The following GBE1 variants were observed in gnomAD, a reference collection of about 807,000 sequenced individuals.
The protein encoded by GBE1 is 1,4-alpha-glucan branching enzyme 1.
In GBE1, 70 loss-of-function variants were observed where a neutral mutation model predicts 88.8. The ratio of observed to expected loss-of-function variants is 0.79; its 90% CI spans 0.65 to 0.96. The LOEUF is 0.96. Ranked by LOEUF, GBE1 falls within the 40% of genes least tolerant of loss-of-function variation. GBE1 has a pLI of 0.00. For missense variants in GBE1, 872 were observed against 871.0 expected, an observed-to-expected ratio of 1.00 and a Z score of -0.01; for synonymous variants, 284 against 300.1, an observed-to-expected ratio of 0.95 and a Z score of 0.56.
intron 1 of GBE1, among the ~76,000 whole-genome samples, chr3:81,730,275 G>A (rs1156259715): frequency 2.6e-5 from 4 of 152,140 alleles, no homozygotes; most frequent in East Asian, 1.9e-4. Flanking sequence ...ACAGCTTGAC[G>A]GGTTGAGGTT....
intron 12 of GBE1, among the ~76,000 whole-genome samples, chr3:81,572,076 G>A (rs1444068594): frequency 6.6e-6 from 1 of 152,100 alleles, no homozygotes; most frequent in Non-Finnish European, 1.5e-5. Context: ...TGCTGTTCTT[G>A]TGATAGTGAG....
In GBE1 at chr3:81,747,790, C is replaced by G. The variant is rs1014013555; in HGVS notation, c.143+13585G>C. On this transcript the variant is annotated intron_variant, in intron 1 of 15. Coordinates refer to ENST00000429644, the MANE Select transcript of GBE1 (RefSeq NM_000158.4). Reference sequence around the variant, plus strand: ...CCCACTGAGCACCTTGTGACCCCCGCCCCTGCCCACCAGAGAACAACCCCC... The same window carrying G: ...CCCACTGAGCACCTTGTGACCCCCGGCCCTGCCCACCAGAGAACAACCCCC... Among the ~76,000 whole-genome samples the G allele has an allele frequency of 6.6e-5, 10 of 152,162 alleles. 1 individual carries two copies. Among genetic ancestry groups the G allele is most frequent in the Admixed American group, 6.5e-4 (10 of 15,268 alleles).
At chr3:81,609,254 G>A (rs114451172) in intron 7 of GBE1, among the ~76,000 whole-genome samples, 1,527 of 152,136 alleles carry the variant, frequency 0.01, 27 homozygotes, top group African/African-American at 0.034. Flanking sequence ...ATGCCTACGT[G>A]GCCAATTTTG....
chr3:81,548,610 G>T (rs1299600074), intron 12 of GBE1, among the ~76,000 whole-genome samples: 2 of 151,210 alleles, frequency 1.3e-5, no homozygotes, highest in East Asian at 3.9e-4. Flanking sequence ...TGCCCTAAAA[G>T]ATTTTGTCAT....
intron 12 of GBE1, among the ~76,000 whole-genome samples, chr3:81,568,002 T>A (rs1358698115): frequency 6.6e-6 from 1 of 152,208 alleles, no homozygotes; most frequent in Non-Finnish European, 1.5e-5. Context: ...GACACTAGTC[T>A]CCTTTAATTT....
intron 14 of GBE1, among the ~76,000 whole-genome samples, chr3:81,531,192 G>A (rs918874565): frequency 2.0e-5 from 3 of 151,820 alleles, no homozygotes; most frequent in Admixed American, 6.6e-5. Flanking sequence ...TTGGTGAATC[G>A]TGCCAGAACT....
chr3:81,746,986 A>C (rs978101112), intron 1 of GBE1, among the ~76,000 whole-genome samples: 3 of 152,224 alleles, frequency 2.0e-5, no homozygotes, highest in Admixed American at 6.5e-5. Flanking sequence ...GTCGCTTCTC[A>C]ATACAAGTTT....
intron 14 of GBE1, among the ~76,000 whole-genome samples, chr3:81,515,003 TA>T (rs919022866): frequency 6.6e-6 from 1 of 150,962 alleles, no homozygotes; most frequent in Non-Finnish European, 1.5e-5. Context: ...ATTTTTTAAA[TA>T]GAAAAAAAAA....
At chr3:81,755,187 T>C (rs1706585298) in intron 1 of GBE1, among the ~76,000 whole-genome samples, 1 of 152,038 alleles carries the variant, frequency 6.6e-6, no homozygotes, top group African/African-American at 2.4e-5. Context: ...AAAGAAAACA[T>C]ATAAATGGCC....
chr3:81,513,883 G>A (rs986171431), intron 14 of GBE1, among the ~76,000 whole-genome samples: 9 of 151,646 alleles, frequency 5.9e-5, no homozygotes, highest in African/African-American at 2.2e-4. Context: ...ACAAAACTAA[G>A]TGGCAGAGAT....
At chr3:81,710,120 ATC>A (rs1705839032) in intron 1 of GBE1, among the ~76,000 whole-genome samples, 1 of 152,162 alleles carries the variant, frequency 6.6e-6, no homozygotes. Flanking sequence ...CAATAAGGAC[ATC>A]ACACATCATT....
chr3:81,736,845 T>C (rs1011006916), intron 1 of GBE1, among the ~76,000 whole-genome samples: 1 of 152,190 alleles, frequency 6.6e-6, no homozygotes, highest in African/African-American at 2.4e-5. Flanking sequence ...AATTGTTACA[T>C]ACCATTCACC....
chr3:81,646,449 T>C lies in GBE1; in HGVS notation c.725A>G (p.Glu242Gly). ...YNCIQLMAIM[E>G]HAYYASFGYQ... ...ACCAAAGCTGGCATAGTAAGCATGC[T>C]CCATGATTGCCATCAACTGAATGCA... Residue 242 changes from glutamate (E) to glycine (G), a missense_variant, in exon 6 of 16, where the codon GAG (glutamate) becomes GGG (glycine). Coordinates refer to ENST00000429644, the MANE Select transcript of GBE1 (RefSeq NM_000158.4). 6.2e-7 allele frequency: 1 copy of C among 1,604,714 alleles called. No individual in the cohort carries two copies. The highest frequency in any genetic ancestry group is 8.5e-7 in the Non-Finnish European group (1 of 1,175,494).
chr3:81,597,488 T>C (rs1023237867), intron 7 of GBE1, among the ~76,000 whole-genome samples: 4 of 145,868 alleles, frequency 2.7e-5, no homozygotes, highest in Non-Finnish European at 4.5e-5. Flanking sequence ...TCAAAATATA[T>C]ATATATATAT....
At chr3:81,748,087 T>C in intron 1 of GBE1, among the ~76,000 whole-genome samples, 1 of 151,918 alleles carries the variant, frequency 6.6e-6, no homozygotes, top group East Asian at 1.9e-4. Flanking sequence ...GCCACTGCAC[T>C]CCAGCCTGGA....
At chr3:81,508,730 T>A (rs557377603) in intron 14 of GBE1, among the ~76,000 whole-genome samples, 55 of 152,158 alleles carry the variant, frequency 3.6e-4, no homozygotes, top group Admixed American at 2.8e-3. Flanking sequence ...TAAGAAAGCA[T>A]TATCTGAGCC....
intron 7 of GBE1, among the ~76,000 whole-genome samples, chr3:81,621,461 G>A (rs1704332277): frequency 6.6e-6 from 1 of 152,086 alleles, no homozygotes; most frequent in African/African-American, 2.4e-5. Flanking sequence ...GGCTTTCAAA[G>A]AGCCCTCGTT....
chr3:81,721,772 G>T (rs560377387), intron 1 of GBE1, among the ~76,000 whole-genome samples: 5 of 152,270 alleles, frequency 3.3e-5, no homozygotes, highest in South Asian at 2.1e-4. Flanking sequence ...TGAGATGCTT[G>T]TAAGAGTAGA....
intron 2 of GBE1, among the ~76,000 whole-genome samples, chr3:81,685,485 A>G (rs1705420313): frequency 6.6e-6 from 1 of 151,882 alleles, no homozygotes; most frequent in South Asian, 2.1e-4. Context: ...AGGTTCAAGC[A>G]GTTCTCCTGC....
Sources: gnomAD v4.1 joint callset for allele counts (sites outside exome capture counted in the v4.1 genomes callset) on GRCh38, gnomAD v4.1.1 for gene constraint, MANE v1.5 for transcripts, NCBI Gene and HGNC (gene_info 2026-07-23, HGNC 2026-07-21) for gene names.